The following CCDC138 variants were observed in gnomAD, a reference collection of about 807,000 sequenced individuals.
CCDC138 encodes coiled-coil domain containing 138.
In CCDC138, 66 loss-of-function variants were observed where a neutral mutation model predicts 82.3. The ratio of observed to expected loss-of-function variants is 0.80; its 90% CI spans 0.66 to 0.98. CCDC138 has a LOEUF of 0.98. CCDC138 is among the 50% of genes least tolerant of loss of function. The probability of loss-of-function intolerance (pLI) is 0.00; values close to 1 mark genes in which losing one functional copy is unlikely to be tolerated. For synonymous variants in CCDC138, 297 were observed against 265.4 expected (o/e 1.12, Z -1.16); for missense variants, 816 against 758.9 (o/e 1.08, Z -0.88).
chr2:108,845,958 A>AT lies in CCDC138; in HGVS notation c.1324-771dup, dbSNP rs891866419. Among the ~76,000 whole-genome samples the AT allele has an allele frequency of 3.5e-3, 523 of 150,912 alleles. 2 individuals carry two copies. Among genetic ancestry groups the AT allele is most frequent in the African/African-American group, 0.012 (486 of 41,150 alleles). ...TCATGCTACTATTTCTATTTTGCCC[A>AT]TTTTTTTTTGTTTTATTCTCCATGA... On this transcript the variant is annotated intron_variant, in intron 11 of 14. Transcript: ENST00000295124.
downstream of CCDC138, among the ~76,000 whole-genome samples, chr2:108,877,400 A>C (rs1281553784): frequency 1.3e-5 from 2 of 152,178 alleles, no homozygotes; most frequent in Admixed American, 1.3e-4. Context: ...TGGGAGGCAG[A>C]GGTTCCAGTG....
rs373721113 is a variant in CCDC138, at chr2:108,794,537, C to T, written c.395-3C>T. The T allele has an allele frequency of 1.3e-6, 2 of 1,591,334 alleles. No individual in the cohort carries two copies. The highest frequency in any genetic ancestry group is 8.6e-7 in the Non-Finnish European group (1 of 1,168,286). The stretch of plus-strand genomic sequence containing the variant: ...TATAATGCAAATGTTATTTTCTTTG[C>T]AGTTGCCTTGCCAACTAATACGACC... On this transcript the variant is annotated splice_region_variant and splice_polypyrimidine_tract_variant and intron_variant, in intron 4 of 14. Transcript: ENST00000295124.
chr2:108,827,584 A>G (rs1309642221), intron 10 of CCDC138, among the ~76,000 whole-genome samples: 2 of 151,082 alleles, frequency 1.3e-5, no homozygotes, highest in East Asian at 3.9e-4. Flanking sequence ...TGGGAGGCCA[A>G]GGTGGGCGGA....
intron 10 of CCDC138, among the ~76,000 whole-genome samples, chr2:108,829,875 C>G (rs1444412450): frequency 1.3e-5 from 2 of 152,150 alleles, no homozygotes; most frequent in Non-Finnish European, 2.9e-5. Context: ...GGTGATTCTT[C>G]AAAAACTTAA....
chr2:108,877,294 C>T (rs1365290376), downstream of CCDC138, among the ~76,000 whole-genome samples: 1 of 93,876 alleles, frequency 1.1e-5, no homozygotes, highest in Admixed American at 1.4e-4. Context: ...ATGGTGAAAC[C>T]CCGTCTCTAC....
Position 108,798,441 on chromosome 2 carries a change from C to T in CCDC138, c.590C>T (p.Ala197Val). Residue 197 changes from alanine (A) to valine (V), a missense_variant, in exon 6 of 15, where the codon GCA (alanine) becomes GTA (valine). Coordinates refer to ENST00000295124, the MANE Select transcript of CCDC138 (RefSeq NM_144978.3). The stretch of plus-strand genomic sequence containing the variant: ...ATTTTGATACAGTGTGAAACTGCAG[C>T]ACAACAGAAATTTGCTGAAGAACTT... ...IHLKLQCETA[A>V]QQKFAEELQK... is the part of the protein sequence containing the mutation. The T allele has an allele frequency of 6.2e-7, 1 of 1,612,524 alleles. No homozygotes were observed.
chr2:108,881,235 A>G (rs1195503830), downstream of CCDC138, among the ~76,000 whole-genome samples: 2 of 152,210 alleles, frequency 1.3e-5, no homozygotes, highest in Admixed American at 1.3e-4. Context: ...TGTTGCTTCA[A>G]CTTGCACTTT....
intron 10 of CCDC138, among the ~76,000 whole-genome samples, chr2:108,831,700 T>TCTTCCTTCATTC (rs1687662931): frequency 6.9e-6 from 1 of 145,152 alleles, no homozygotes; most frequent in South Asian, 2.3e-4. Flanking sequence ...TGGCACAGAA[T>TCTTCCTTCATTC]CTTCCTTCCT....
rs1413022367 is a variant in CCDC138 at position 108,872,700 on chromosome 2, C to T, written c.1694-751C>T. On this transcript the variant is annotated intron_variant, in intron 13 of 14. Transcript: ENST00000295124. ...AAGAGGGGGCTGCACTCACACATGG[C>T]GGTGGAGCCTCATGGCCTTATCTTC... 3.3e-5 allele frequency among the ~76,000 whole-genome samples: 5 copies of T among 152,058 alleles called. No individual in the cohort carries two copies. In the East Asian group the frequency reaches 5.8e-4, roughly 18 times the overall value.
chr2:108,875,690 T>G (rs1478519), intron 14 of CCDC138, among the ~76,000 whole-genome samples: 1 of 151,988 alleles, frequency 6.6e-6, no homozygotes. Context: ...ACACCCTGTC[T>G]CTACAAAAAA....
At chr2:108,786,754 T>C, upstream of CCDC138, 2 of 1,435,658 alleles carry the variant, frequency 1.4e-6, no homozygotes, top group Non-Finnish European at 1.9e-6. Context: ...CGTGACGCAC[T>C]GCGGCCGCGT....
intron 10 of CCDC138, among the ~76,000 whole-genome samples, chr2:108,835,379 A>G (rs959571012): frequency 4.6e-5 from 7 of 152,204 alleles, no homozygotes; most frequent in African/African-American, 1.4e-4. Flanking sequence ...ATTCATTGCC[A>G]TGTGTTAGGG....
intron 6 of CCDC138, among the ~76,000 whole-genome samples, chr2:108,799,187 T>C (rs950520036): frequency 2.6e-5 from 4 of 152,206 alleles, no homozygotes; most frequent in African/African-American, 7.2e-5. Context: ...AGCATTCTTA[T>C]ATGTCACATT....
rs1052167863 is a variant in CCDC138 at position 108,845,885 on chromosome 2, A to G, written c.1324-853A>G. Among the ~76,000 whole-genome samples, 20 of 152,258 alleles carry G rather than the reference A, an allele frequency of 1.3e-4. No homozygotes were observed. In the East Asian group the frequency reaches 3.9e-3, roughly 29 times the overall value. On this transcript the variant is annotated intron_variant, in intron 11 of 14. Coordinates refer to ENST00000295124, the MANE Select transcript of CCDC138 (RefSeq NM_144978.3). ...CGCGCCCAGCCTCATTTTATTCTTA[A>G]TAGATATATCAAATACCATTAGATC...
In CCDC138 at chr2:108,835,862, T is replaced by C. The variant is rs35043467; in HGVS notation, c.1207-3323T>C. On this transcript the variant is annotated intron_variant, in intron 10 of 14. Transcript: ENST00000295124. ...ATTTATTTCTCACAGTCCTGGCAGC[T>C]GGATGTCCAAGCATCTGATAGGGGC... 8.1e-3 allele frequency among the ~76,000 whole-genome samples: 1,227 copies of C among 152,332 alleles called. 6 individuals are homozygous for C. Among genetic ancestry groups the C allele is most frequent in the Non-Finnish European group, 0.013 (866 of 68,034 alleles).
chr2:108,795,141 C>G (rs1573931073), intron 5 of CCDC138, among the ~76,000 whole-genome samples: 1 of 129,390 alleles, frequency 7.7e-6, no homozygotes, highest in African/African-American at 2.8e-5. Context: ...TTTTTTGTTT[C>G]TAAAGTGTAT....
chr2:108,847,604 G>T (rs1265717438), intron 12 of CCDC138, among the ~76,000 whole-genome samples: 1 of 152,110 alleles, frequency 6.6e-6, no homozygotes, highest in Non-Finnish European at 1.5e-5. Context: ...TTAATATTTA[G>T]CTATAACAGG....
At chr2:108,858,057 A>G (rs1263210003) in intron 13 of CCDC138, among the ~76,000 whole-genome samples, 1 of 152,174 alleles carries the variant, frequency 6.6e-6, no homozygotes, top group African/African-American at 2.4e-5. Flanking sequence ...GTTACTCTCA[A>G]ATTCAGCCAG....
chr2:108,871,304 G>A lies in CCDC138; in HGVS notation c.1694-2147G>A, dbSNP rs1695198294. Among the ~76,000 whole-genome samples the A allele has an allele frequency of 2.0e-5, 3 of 149,906 alleles. 1 individual carries two copies. The South Asian group carries it at 6.3e-4, about 32-fold the overall frequency. ...TCCCAGCACTTTGGGAGGCTGAGGT[G>A]GGCAGATCTCTTGAGGTCAGGAGTT... is the stretch of plus-strand genomic sequence containing the variant. On this transcript the variant is annotated intron_variant, in intron 13 of 14. Coordinates refer to ENST00000295124, the MANE Select transcript of CCDC138 (RefSeq NM_144978.3).
Sources: allele counts gnomAD v4.1 joint callset (sites outside exome capture counted in the v4.1 genomes callset), GRCh38; gene constraint gnomAD v4.1.1; transcripts MANE v1.5; gene names NCBI Gene and HGNC (gene_info 2026-07-23, HGNC 2026-07-21).